DIP2B: variants seen among roughly 807,000 people sequenced by gnomAD.
DIP2B encodes DIP2 acetate--CoA ligase B (putative).
DIP2B carries 76 observed loss-of-function variants against 198.0 expected under a neutral mutation model. The ratio of observed to expected loss-of-function variants is 0.38; its 90% CI spans 0.32 to 0.46. The LOEUF (loss-of-function observed/expected upper bound fraction) is 0.46, where lower values mean the gene tolerates loss of function less well. DIP2B is among the 20% of genes least tolerant of loss of function. The probability of loss-of-function intolerance (pLI) is 0.99; values close to 1 mark genes in which losing one functional copy is unlikely to be tolerated. For synonymous variants in DIP2B, 701 were observed against 739.1 expected (o/e 0.95, Z 0.84); for missense variants, 1,559 against 1,978.4 (o/e 0.79, Z 4.02).
In DIP2B at chr12:50,718,780, G is replaced by C. The variant is rs746320670; in HGVS notation, c.2923G>C (p.Asp975His). 2 of 1,614,196 alleles carry C rather than the reference G, an allele frequency of 1.2e-6. No homozygotes were observed. The highest frequency in any genetic ancestry group is 3.3e-5 in the Admixed American group (2 of 60,022). ...ACGTATAGCACAAGCTGCTGGAAGG[G>C]ATCTGGGACAAATAGAAGAGAATGA... ...GKRIAQAAGR[D>H]LGQIEENDLV... Residue 975 changes from aspartate to histidine, a missense_variant, in exon 24 of 38, where the codon GAT (aspartate) becomes CAT (histidine). Coordinates refer to ENST00000301180, the MANE Select transcript of DIP2B (RefSeq NM_173602.3).
intron 2 of DIP2B, among the ~76,000 whole-genome samples, chr12:50,627,492 C>A (rs967295521): frequency 6.6e-6 from 1 of 152,116 alleles, no homozygotes; most frequent in East Asian, 1.9e-4. Flanking sequence ...CGCCACCACA[C>A]CCAGTTAATT....
chr12:50,511,104 C>T (rs1958011550), intron 1 of DIP2B, among the ~76,000 whole-genome samples: 1 of 151,188 alleles, frequency 6.6e-6, no homozygotes, highest in Non-Finnish European at 1.5e-5. Flanking sequence ...CTCCACCATG[C>T]CCAGCTAATT....
chr12:50,582,683 A>G (rs1246653636), intron 1 of DIP2B, among the ~76,000 whole-genome samples: 1 of 152,190 alleles, frequency 6.6e-6, no homozygotes, highest in Non-Finnish European at 1.5e-5. Flanking sequence ...GTGAAAACAC[A>G]TGACCCATCT....
intron 6 of DIP2B, 54 bp from the exon 7 acceptor site, chr12:50,675,275 C>T: frequency 1.9e-6 from 3 of 1,584,296 alleles, no homozygotes; most frequent in Non-Finnish European, 1.7e-6. Context: ...AACTGAGGAA[C>T]TAAAATATCC....
At chr12:50,561,456 A>G (rs967405514) in intron 1 of DIP2B, among the ~76,000 whole-genome samples, 2 of 152,084 alleles carry the variant, frequency 1.3e-5, no homozygotes, top group Non-Finnish European at 2.9e-5. Flanking sequence ...GAGAGCTACA[A>G]ATCTGTCTTA....
chr12:50,583,797 C>G (rs979096418), intron 1 of DIP2B, among the ~76,000 whole-genome samples: 5 of 152,196 alleles, frequency 3.3e-5, no homozygotes, highest in African/African-American at 9.6e-5. Context: ...ACCTGTCTCT[C>G]TAGTCAGTGA....
At chr12:50,534,201 T>A (rs1048804347) in intron 1 of DIP2B, among the ~76,000 whole-genome samples, 3 of 152,120 alleles carry the variant, frequency 2.0e-5, no homozygotes, top group African/African-American at 7.2e-5. Context: ...ATTCATCTGG[T>A]CAAGTTGGCA....
chr12:50,716,916 G>A lies in DIP2B; in HGVS notation c.2852-1793G>A, dbSNP rs376717280. ...GGAAAAGTTAGACGAATAGTATAGTGAGGAACACCCATGTAGCCTATCCTA... is the reference window on the plus strand; with the variant it reads ...GGAAAAGTTAGACGAATAGTATAGTAAGGAACACCCATGTAGCCTATCCTA... On this transcript the variant is annotated intron_variant, in intron 23 of 37. Transcript: ENST00000301180. Among the ~76,000 whole-genome samples, 36 of 140,648 alleles carry A rather than the reference G, an allele frequency of 2.6e-4. No homozygotes were observed. In the East Asian group the frequency reaches 7.3e-3, roughly 28 times the overall value. The allele number at this position is 140,648 out of a possible 152,430, so 92.3% of individuals were successfully genotyped here.
chr12:50,708,515 G>A lies in DIP2B; in HGVS notation c.2602G>A (p.Asp868Asn). The change falls in exon 22 of 38, where the codon GAT becomes AAT. Residue 868 changes from aspartate to asparagine, a missense_variant. Transcript: ENST00000301180. ...RIVVVAEQRP[D>N]ASEEDSFQWM... Reference sequence around the variant, plus strand: ...TGTGGTGGTTGCGGAACAAAGACCTGATGCTTCTGAGGAAGATAGTTTCCA... The same window carrying A: ...TGTGGTGGTTGCGGAACAAAGACCTAATGCTTCTGAGGAAGATAGTTTCCA... The A allele has an allele frequency of 6.2e-7, 1 of 1,607,252 alleles. No individual in the cohort carries two copies. The highest frequency in any genetic ancestry group is 2.2e-5 in the East Asian group (1 of 44,764).
intron 9 of DIP2B, 123 bp from the exon 10 acceptor site, chr12:50,683,015 G>C (rs1190931509): frequency 1.8e-5 from 15 of 812,498 alleles, no homozygotes; most frequent in Middle Eastern, 3.8e-4. Flanking sequence ...CTTTAGAGCA[G>C]ATGGCTGTTA....
chr12:50,524,420 C>T (rs1958145156), intron 1 of DIP2B, among the ~76,000 whole-genome samples: 1 of 152,174 alleles, frequency 6.6e-6, no homozygotes, highest in Non-Finnish European at 1.5e-5. Context: ...GCAAGACCTA[C>T]ACCGCCCTGA....
chr12:50,732,658 C>A, intron 32 of DIP2B, 122 bp downstream of exon 32: 4 of 1,238,334 alleles, frequency 3.2e-6, no homozygotes, highest in Non-Finnish European at 3.4e-6. Context: ...TGCTTTGGAA[C>A]TTCGGGCTTT....
chr12:50,653,982 T>C (rs1326531124), intron 3 of DIP2B, among the ~76,000 whole-genome samples: 1 of 152,146 alleles, frequency 6.6e-6, no homozygotes. Context: ...CAAGCAATTC[T>C]CCTGCCTCAG....
chr12:50,572,315 G>A (rs1374003048), intron 1 of DIP2B, among the ~76,000 whole-genome samples: 1 of 152,114 alleles, frequency 6.6e-6, no homozygotes, highest in Non-Finnish European at 1.5e-5. Flanking sequence ...ATTACATCTT[G>A]TAGGAGATTC....
In DIP2B at chr12:50,693,051, T is replaced by G. The variant is rs201248863; in HGVS notation, c.1719+38T>G. 39 of 1,582,096 alleles carry G rather than the reference T, an allele frequency of 2.5e-5. 1 individual carries two copies. In the East Asian group the frequency reaches 4.3e-4, roughly 17 times the overall value. ...GATTTAAGGCCCTTAGTGTAAATTG[T>G]GCTTGAGATAAGGCCAGCATGTTGT... is the stretch of plus-strand genomic sequence containing the variant. On this transcript the variant is annotated intron_variant, in intron 14 of 37. Transcript: ENST00000301180.
chr12:50,521,210 G>A (rs1474897931), intron 1 of DIP2B, among the ~76,000 whole-genome samples: 4 of 145,526 alleles, frequency 2.7e-5, no homozygotes, highest in Admixed American at 2.2e-4. Flanking sequence ...GGGTTTAATC[G>A]ATTCTCCTGC....
At chr12:50,663,571 T>TAAATAAAA (rs1207679435) in intron 4 of DIP2B, among the ~76,000 whole-genome samples, 11 of 150,206 alleles carry the variant, frequency 7.3e-5, no homozygotes, top group African/African-American at 2.5e-4. Flanking sequence ...AATAAATAAA[T>TAAATAAAA]AAATAAATAA....
chr12:50,643,826 G>T (rs377423044), intron 3 of DIP2B, among the ~76,000 whole-genome samples: 6 of 152,188 alleles, frequency 3.9e-5, no homozygotes, highest in South Asian at 2.1e-4. Context: ...CAGATAAGTA[G>T]TGGAGGTTGA....
At chr12:50,623,577 G>A in intron 1 of DIP2B, among the ~76,000 whole-genome samples, 1 of 150,842 alleles carries the variant, frequency 6.6e-6, no homozygotes, top group Middle Eastern at 3.2e-3. Flanking sequence ...AAACAATTTA[G>A]TATATAGCCT....
Sources: gnomAD v4.1 joint callset for allele counts (sites outside exome capture counted in the v4.1 genomes callset) on GRCh38, gnomAD v4.1.1 for gene constraint, MANE v1.5 for transcripts, NCBI Gene and HGNC (gene_info 2026-07-23, HGNC 2026-07-21) for gene names.